Variants in WDR70 observed in about 807,000 individuals in gnomAD.
The protein encoded by WDR70 is WD repeat-containing protein 70.
A neutral mutation model predicts 88.6 loss-of-function variants in WDR70; 53 were observed. That is an observed-to-expected ratio of 0.60 (90% CI 0.48 to 0.75). The LOEUF (loss-of-function observed/expected upper bound fraction) is 0.75, where lower values mean the gene tolerates loss of function less well. WDR70 is among the 30% of genes least tolerant of loss of function. WDR70 has a pLI of 0.00. For synonymous variants in WDR70, 280 were observed against 270.0 expected, an observed-to-expected ratio of 1.04 and a Z score of -0.36; for missense variants, 610 against 823.2, an observed-to-expected ratio of 0.74 and a Z score of 3.17.
At chr5:37,437,798 T>A in intron 5 of WDR70, 124 bp from the exon 6 acceptor site, 1 of 896,348 alleles carries the variant, frequency 1.1e-6, no homozygotes, top group Non-Finnish European at 1.6e-6. Context: ...GCTGTTTTTT[T>A]AAGCTTTGTG....
At chr5:37,565,369 TA>T (rs1212212440) in intron 9 of WDR70, among the ~76,000 whole-genome samples, 1 of 152,206 alleles carries the variant, frequency 6.6e-6, no homozygotes, top group Non-Finnish European at 1.5e-5. Context: ...TAAGGTCTTT[TA>T]AAAATCCCTT....
At chr5:37,646,263 ACT>A (rs1172597653) in intron 10 of WDR70, among the ~76,000 whole-genome samples, 2 of 151,734 alleles carry the variant, frequency 1.3e-5, no homozygotes, top group South Asian at 2.1e-4. Context: ...AGACCAATAA[ACT>A]CTACAATTTA....
chr5:37,416,172 G>C (rs1296153500), intron 5 of WDR70, among the ~76,000 whole-genome samples: 3 of 152,198 alleles, frequency 2.0e-5, no homozygotes, highest in Non-Finnish European at 4.4e-5. Flanking sequence ...CTGGGAGGTG[G>C]AGGTTGTAGC....
intron 8 of WDR70, among the ~76,000 whole-genome samples, chr5:37,484,507 A>G (rs1443555106): frequency 6.6e-6 from 1 of 152,212 alleles, no homozygotes; most frequent in East Asian, 1.9e-4. Context: ...TGGCAGCAGT[A>G]CAGTCCAGCT....
intron 13 of WDR70, among the ~76,000 whole-genome samples, chr5:37,717,802 T>G (rs536834294): frequency 6.6e-6 from 1 of 152,210 alleles, no homozygotes. Flanking sequence ...GGATAAAATG[T>G]GGAGCCGCAT....
chr5:37,497,119 T>C (rs1740239935), intron 8 of WDR70, among the ~76,000 whole-genome samples: 1 of 152,148 alleles, frequency 6.6e-6, no homozygotes, highest in African/African-American at 2.4e-5. Flanking sequence ...CTAGTCACTA[T>C]AAATTATTTT....
chr5:37,508,822 A>G (rs1407219881), intron 8 of WDR70, among the ~76,000 whole-genome samples: 1 of 152,174 alleles, frequency 6.6e-6, no homozygotes, highest in Non-Finnish European at 1.5e-5. Context: ...GTACTATCCA[A>G]TTCTGTTTTG....
intron 9 of WDR70, among the ~76,000 whole-genome samples, chr5:37,523,643 G>A (rs1162644532): frequency 1.3e-5 from 2 of 152,200 alleles, no homozygotes; most frequent in African/African-American, 2.4e-5. Context: ...TGACTTAGAC[G>A]AGTTGAGATA....
intron 9 of WDR70, among the ~76,000 whole-genome samples, chr5:37,556,058 T>C (rs1356936951): frequency 6.6e-6 from 1 of 152,124 alleles, no homozygotes; most frequent in African/African-American, 2.4e-5. Flanking sequence ...CAAGCCATTG[T>C]TACTCACTTT....
intron 8 of WDR70, among the ~76,000 whole-genome samples, chr5:37,480,938 A>G (rs561292722): frequency 6.6e-6 from 1 of 152,316 alleles, no homozygotes; most frequent in East Asian, 1.9e-4. Context: ...GGGTAAATAC[A>G]CTTTTTTCAA....
intron 10 of WDR70, among the ~76,000 whole-genome samples, chr5:37,644,227 C>T (rs1474584315): frequency 1.4e-5 from 2 of 138,650 alleles, no homozygotes; most frequent in African/African-American, 5.5e-5. Flanking sequence ...GCTTTTTCAG[C>T]ACCAGTTGAA....
At chr5:37,679,504 C>T (rs1746353533) in intron 10 of WDR70, among the ~76,000 whole-genome samples, 1 of 152,168 alleles carries the variant, frequency 6.6e-6, no homozygotes, top group African/African-American at 2.4e-5. Flanking sequence ...CACACCAGAC[C>T]CTGTTTGCCT....
At chr5:37,468,068 G>C (rs12173250) in intron 7 of WDR70, among the ~76,000 whole-genome samples, 130,600 of 151,276 alleles carry the variant, frequency 0.86, 59,541 homozygotes, top group East Asian at 1. Context: ...CCAGGATGGT[G>C]TCGATCTCCT....
At position 37,382,395 on chromosome 5, in the gene WDR70, G is replaced by A. The variant is rs115201075; in HGVS notation, c.175+710G>A. Reference sequence around the variant, plus strand: ...TTACAGACGTGAACCACTGTGCCCCGCTTTTTGTTTTTTTGTTTTGTTTTG... The same window carrying A: ...TTACAGACGTGAACCACTGTGCCCCACTTTTTGTTTTTTTGTTTTGTTTTG... On this transcript the variant is annotated intron_variant, in intron 3 of 17. Coordinates refer to ENST00000265107, the MANE Select transcript of WDR70 (RefSeq NM_018034.4). Among the ~76,000 whole-genome samples the A allele has an allele frequency of 9.0e-3, 1,363 of 150,998 alleles. 23 individuals carry two copies. The highest frequency in any genetic ancestry group is 0.032 in the African/African-American group (1,306 of 41,190).
At chr5:37,391,896 G>A (rs1487389150) in intron 3 of WDR70, 104 bp from the exon 4 acceptor site, 45 of 1,305,112 alleles carry the variant, frequency 3.4e-5, no homozygotes, top group Non-Finnish European at 4.0e-5. Flanking sequence ...AACACTCTAA[G>A]TTATATCTTT....
At chr5:37,386,892 G>A (rs778882180) in intron 3 of WDR70, among the ~76,000 whole-genome samples, 8 of 152,064 alleles carry the variant, frequency 5.3e-5, no homozygotes, top group Non-Finnish European at 1.2e-4. Flanking sequence ...GAAATCAGGA[G>A]TTTGAGATCA....
chr5:37,606,487 G>A (rs1744034703), intron 10 of WDR70, among the ~76,000 whole-genome samples: 1 of 152,138 alleles, frequency 6.6e-6, no homozygotes, highest in African/African-American at 2.4e-5. Flanking sequence ...TTTAATAGTA[G>A]TGTTTTTTGT....
chr5:37,590,938 A>G (rs184638761), intron 9 of WDR70, among the ~76,000 whole-genome samples: 1 of 152,332 alleles, frequency 6.6e-6, no homozygotes, highest in Non-Finnish European at 1.5e-5. Context: ...GAAGAAAATA[A>G]TAAAAAGGAA....
At chr5:37,527,794 C>T (rs187705899) in intron 9 of WDR70, among the ~76,000 whole-genome samples, 12 of 152,222 alleles carry the variant, frequency 7.9e-5, no homozygotes, top group Admixed American at 6.5e-4. Context: ...AAGAAAAAAA[C>T]AACCCCATCA....
Sources: gnomAD v4.1 joint callset for allele counts (sites outside exome capture counted in the v4.1 genomes callset) on GRCh38, gnomAD v4.1.1 for gene constraint, MANE v1.5 for transcripts, NCBI Gene and HGNC (gene_info 2026-07-23, HGNC 2026-07-21) for gene names.